The following NRXN1 variants were observed in gnomAD, a reference collection of about 807,000 sequenced individuals.
NRXN1 encodes the protein neurexin-1.
A neutral mutation model predicts 150.9 loss-of-function variants in NRXN1; 39 were observed. That is an observed-to-expected ratio of 0.26 (90% CI 0.20 to 0.34). The LOEUF (loss-of-function observed/expected upper bound fraction) is 0.34. Ranked by LOEUF, NRXN1 falls within the 10% of genes least tolerant of loss-of-function variation. NRXN1 has a pLI of 1.00. For synonymous variants in NRXN1, 924 were observed against 757.0 expected, an observed-to-expected ratio of 1.22 and a Z score of -3.62; for missense variants, 1,815 against 1,949.9, an observed-to-expected ratio of 0.93 and a Z score of 1.30.
rs1378205239 is a variant in NRXN1 at position 50,220,007 on chromosome 2, A to ATATTAT, written c.3546+16781_3546+16782insATAATA. ...ATATTATATATAATATATATTATAT[A>ATATTAT]ATATATTATATATATATATAAAGAA... On this transcript the variant is annotated intron_variant, in intron 18 of 22. Coordinates refer to ENST00000401669, the MANE Select transcript of NRXN1 (RefSeq NM_001330078.2). Among the ~76,000 whole-genome samples the ATATTAT allele has an allele frequency of 1.7e-3, 62 of 37,042 alleles. 1 individual carries two copies. The highest frequency in any genetic ancestry group is 4.6e-3 in the African/African-American group (33 of 7,210). 24.3% of individuals were successfully genotyped at this position (37,042 alleles called of 152,430 possible).
At chr2:50,426,120 CT>C (rs2084461053) in intron 17 of NRXN1, among the ~76,000 whole-genome samples, 1 of 152,196 alleles carries the variant, frequency 6.6e-6, no homozygotes, top group African/African-American at 2.4e-5. Flanking sequence ...TCAAGGTAAA[CT>C]GACCTTGCCT....
At chr2:50,643,320 T>C (rs1165961976) in intron 5 of NRXN1, among the ~76,000 whole-genome samples, 1 of 151,936 alleles carries the variant, frequency 6.6e-6, no homozygotes, top group African/African-American at 2.4e-5. Context: ...AAAAGTAATG[T>C]TTACTCAGAG....
At chr2:50,337,083 C>CT (rs768582035) in intron 17 of NRXN1, among the ~76,000 whole-genome samples, 515 of 133,044 alleles carry the variant, frequency 3.9e-3, no homozygotes, top group Non-Finnish European at 5.3e-3. Context: ...TTTTCTTTTT[C>CT]TTTTTTTTTT....
intron 17 of NRXN1, among the ~76,000 whole-genome samples, chr2:50,450,586 T>A (rs1490866752): frequency 6.6e-6 from 1 of 152,164 alleles, no homozygotes; most frequent in East Asian, 1.9e-4. Context: ...TTAATAATAG[T>A]CTCAGTAAGG....
chr2:50,448,880 AAAAT>A (rs751948554), intron 17 of NRXN1, among the ~76,000 whole-genome samples: 2 of 152,174 alleles, frequency 1.3e-5, no homozygotes, highest in Non-Finnish European at 2.9e-5. Context: ...AAAATAAAAT[AAAAT>A]AAATAAATAA....
chr2:50,884,528 T>TA, intron 5 of NRXN1, among the ~76,000 whole-genome samples: 1 of 151,880 alleles, frequency 6.6e-6, no homozygotes, highest in East Asian at 1.9e-4. Flanking sequence ...GAAATTAGAC[T>TA]AAATATCTTA....
chr2:50,317,027 A>G (rs1459311973), intron 17 of NRXN1, among the ~76,000 whole-genome samples: 2 of 152,026 alleles, frequency 1.3e-5, no homozygotes, highest in Non-Finnish European at 2.9e-5. Context: ...ATTAAAGAGT[A>G]TTTTGGAGTT....
At chr2:50,808,581 G>A (rs558495050) in intron 5 of NRXN1, among the ~76,000 whole-genome samples, 2 of 152,136 alleles carry the variant, frequency 1.3e-5, no homozygotes, top group Non-Finnish European at 1.5e-5. Flanking sequence ...ATAAATAAAT[G>A]TTTGTGTTCA....
chr2:50,247,657 T>G (rs1232649879), intron 17 of NRXN1, among the ~76,000 whole-genome samples: 1 of 151,692 alleles, frequency 6.6e-6, no homozygotes, highest in East Asian at 1.9e-4. Flanking sequence ...TCATCAAGAG[T>G]CGAGGGCAGG....
At chr2:49,922,323 C>T (rs2104001353) in intron 22 of NRXN1, 72 bp from the exon 23 acceptor site, 1 of 1,389,366 alleles carries the variant, frequency 7.2e-7, no homozygotes, top group Non-Finnish European at 1.0e-6. Context: ...GCTATATTAA[C>T]ATTTATTATC....
intron 5 of NRXN1, among the ~76,000 whole-genome samples, chr2:50,884,010 T>C (rs193090636): frequency 6.6e-6 from 1 of 151,776 alleles, no homozygotes; most frequent in Non-Finnish European, 1.5e-5. Context: ...TGCACTGAGT[T>C]TGTGAAAATT....
intron 18 of NRXN1, among the ~76,000 whole-genome samples, chr2:50,145,183 G>A (rs370863624): frequency 6.6e-6 from 1 of 151,384 alleles, no homozygotes; most frequent in African/African-American, 2.4e-5. Context: ...CAAACATATA[G>A]AAAAGGTGCA....
intron 20 of NRXN1, 35 bp downstream of exon 20, chr2:50,054,920 T>A (rs1693368679): frequency 2.2e-6 from 3 of 1,358,836 alleles, no homozygotes; most frequent in African/African-American, 3.0e-5. Context: ...GTTCAAATTA[T>A]TTTTTTATTT....
At chr2:50,054,737 C>G (rs1282612797) in intron 20 of NRXN1, among the ~76,000 whole-genome samples, 1 of 152,016 alleles carries the variant, frequency 6.6e-6, no homozygotes, top group Non-Finnish European at 1.5e-5. Context: ...CTTAAGTTAA[C>G]TGGGTAAGAT....
chr2:50,817,703 T>C (rs1669129272), intron 5 of NRXN1, among the ~76,000 whole-genome samples: 1 of 152,132 alleles, frequency 6.6e-6, no homozygotes, highest in African/African-American at 2.4e-5. Context: ...TGGTTCAACA[T>C]ACCAAAAGCA....
At chr2:50,782,096 A>G (rs1290702018) in intron 5 of NRXN1, among the ~76,000 whole-genome samples, 2 of 151,712 alleles carry the variant, frequency 1.3e-5, no homozygotes, top group Admixed American at 1.4e-4. Flanking sequence ...ATGACAGGGT[A>G]GATGCTAAAC....
intron 21 of NRXN1, among the ~76,000 whole-genome samples, chr2:49,994,624 A>C (rs1682611229): frequency 6.6e-6 from 1 of 152,188 alleles, no homozygotes; most frequent in African/African-American, 2.4e-5. Flanking sequence ...GCCATGTAAA[A>C]ACATCACAGC....
chr2:50,879,880 C>T (rs574273736), intron 5 of NRXN1, among the ~76,000 whole-genome samples: 63 of 152,002 alleles, frequency 4.1e-4, no homozygotes, highest in African/African-American at 1.4e-3. Context: ...CTGAGGCATG[C>T]CCATGGTTGA....
chr2:50,796,425 G>T (rs1319134668), intron 5 of NRXN1, among the ~76,000 whole-genome samples: 1 of 152,064 alleles, frequency 6.6e-6, no homozygotes, highest in African/African-American at 2.4e-5. Context: ...CACCATGAGA[G>T]GTATGGAATG....
Sources: gnomAD v4.1 joint callset for allele counts (sites outside exome capture counted in the v4.1 genomes callset) on GRCh38, gnomAD v4.1.1 for gene constraint, MANE v1.5 for transcripts, NCBI Gene and HGNC (gene_info 2026-07-23, HGNC 2026-07-21) for gene names.